The following PCDH7 variants were observed in gnomAD, a reference collection of about 807,000 sequenced individuals.
PCDH7 encodes protocadherin 7, also known as protocadherin-7.
A neutral mutation model predicts 58.9 loss-of-function variants in PCDH7; 17 were observed. The ratio of observed to expected loss-of-function variants is 0.29; its 90% CI spans 0.20 to 0.43. The LOEUF (loss-of-function observed/expected upper bound fraction) is 0.43, where lower values mean the gene tolerates loss of function less well. Among genes scored for constraint, PCDH7 ranks in the 20% least tolerant of loss-of-function variants. The pLI is 1.00. For missense variants in PCDH7, 1,274 were observed against 1,441.0 expected, an observed-to-expected ratio of 0.88 and a Z score of 1.88; for synonymous variants, 664 against 616.4, an observed-to-expected ratio of 1.08 and a Z score of -1.14.
intron 3 of PCDH7, among the ~76,000 whole-genome samples, chr4:30,999,812 G>T (rs906775057): frequency 5.3e-5 from 8 of 152,084 alleles, no homozygotes; most frequent in African/African-American, 1.9e-4. Flanking sequence ...GTTAAAGTAA[G>T]AAGTTAATGA....
At chr4:30,890,474 G>A (rs1407379491) in intron 1 of PCDH7, among the ~76,000 whole-genome samples, 2 of 151,458 alleles carry the variant, frequency 1.3e-5, no homozygotes, top group African/African-American at 2.4e-5. Flanking sequence ...AGATTTCATC[G>A]TTTATTTTTC....
intron 1 of PCDH7, among the ~76,000 whole-genome samples, chr4:30,896,889 CTTTTTTTTTT>C (rs71190474): frequency 0.045 from 1,236 of 27,188 alleles, 6 homozygotes; most frequent in Admixed American, 0.069. Flanking sequence ...TAGTTCTTTG[CTTTTTTTTTT>C]TTTTTTTTTT....
At chr4:31,116,038 A>G (rs1215294286) in intron 3 of PCDH7, among the ~76,000 whole-genome samples, 3 of 152,178 alleles carry the variant, frequency 2.0e-5, no homozygotes, top group Non-Finnish European at 4.4e-5. Flanking sequence ...ATATATTAAA[A>G]TCCCTGTCTA....
intron 1 of PCDH7, among the ~76,000 whole-genome samples, chr4:30,877,201 A>G (rs897999031): frequency 6.6e-6 from 1 of 152,110 alleles, no homozygotes; most frequent in Non-Finnish European, 1.5e-5. Flanking sequence ...AAGAATAACA[A>G]CAAAAAAAGA....
intron 3 of PCDH7, among the ~76,000 whole-genome samples, chr4:31,002,046 A>C (rs1560568295): frequency 6.6e-6 from 1 of 152,198 alleles, no homozygotes; most frequent in Non-Finnish European, 1.5e-5. Flanking sequence ...TATTTAAAGC[A>C]AGCTGCTTTG....
chr4:30,947,830 C>G (rs1045453339), intron 2 of PCDH7, among the ~76,000 whole-genome samples: 1 of 152,084 alleles, frequency 6.6e-6, no homozygotes, highest in Non-Finnish European at 1.5e-5. Context: ...AATTCTGCAT[C>G]CTTTAACAAA....
intron 1 of PCDH7, among the ~76,000 whole-genome samples, chr4:30,748,821 A>G (rs764385881): frequency 3.9e-5 from 6 of 152,178 alleles, no homozygotes; most frequent in Non-Finnish European, 5.9e-5. Context: ...CAGGAACTCA[A>G]CAGAAGATAA....
At chr4:31,047,464 C>T (rs573474036) in intron 3 of PCDH7, among the ~76,000 whole-genome samples, 3 of 152,112 alleles carry the variant, frequency 2.0e-5, no homozygotes, top group East Asian at 1.9e-4. Flanking sequence ...TCATAGGAGC[C>T]GCCATCCCTG....
chr4:31,138,147 T>TTCTG (rs1719839754), intron 3 of PCDH7, among the ~76,000 whole-genome samples: 1 of 151,560 alleles, frequency 6.6e-6, no homozygotes, highest in Admixed American at 6.6e-5. Flanking sequence ...TTTCTAAAGA[T>TTCTG]TCTATTATCT....
intron 3 of PCDH7, among the ~76,000 whole-genome samples, chr4:31,050,004 G>T (rs375139339): frequency 9.9e-5 from 15 of 152,046 alleles, no homozygotes; most frequent in South Asian, 2.1e-4. Context: ...GATTCTGAGT[G>T]GCAAAAATAC....
At chr4:31,011,733 G>A (rs1241083023) in intron 3 of PCDH7, among the ~76,000 whole-genome samples, 1 of 151,786 alleles carries the variant, frequency 6.6e-6, no homozygotes, top group Admixed American at 6.6e-5. Context: ...CACTACCATA[G>A]TTCAAAACTG....
intron 3 of PCDH7, among the ~76,000 whole-genome samples, chr4:31,029,306 A>C (rs1229269792): frequency 1.3e-5 from 2 of 152,190 alleles, no homozygotes; most frequent in Admixed American, 6.6e-5. Flanking sequence ...CTAACCATGA[A>C]CTAAAAATAG....
intron 2 of PCDH7, among the ~76,000 whole-genome samples, chr4:30,928,748 GCT>G (rs2109423684): frequency 6.6e-6 from 1 of 152,208 alleles, no homozygotes; most frequent in East Asian, 1.9e-4. Context: ...ATGTTCTTTG[GCT>G]GCACATCCTC....
chr4:31,104,653 T>G (rs1715321083), intron 3 of PCDH7, among the ~76,000 whole-genome samples: 1 of 152,186 alleles, frequency 6.6e-6, no homozygotes, highest in Non-Finnish European at 1.5e-5. Flanking sequence ...TAATAAGCTT[T>G]CTGTTTAAAA....
intron 3 of PCDH7, among the ~76,000 whole-genome samples, chr4:31,000,058 A>T: frequency 6.6e-6 from 1 of 152,056 alleles, no homozygotes; most frequent in East Asian, 1.9e-4. Context: ...ATATATGCTC[A>T]TTTATGTGGC....
chr4:31,128,275 C>G (rs75624598), intron 3 of PCDH7, among the ~76,000 whole-genome samples: 10,019 of 152,006 alleles, frequency 0.066, 374 homozygotes, highest in South Asian at 0.11. Flanking sequence ...TGGGTCATGG[C>G]GCTCAGTTGA....
chr4:30,722,912 C>T lies in PCDH7; in HGVS notation c.1490C>T (p.Ala497Val), dbSNP rs898058102. ...ACCTCGACCCCTCTGGACTATGAGG[C>T]CACCCGGGAGTTCAACGTGGTCATC... Residue 497 changes from alanine to valine, a missense_variant, in exon 1 of 2, where the codon GCC becomes GTC. By Grantham distance (64) the Ala-to-Val change is moderately conservative (BLOSUM62 0). This residue lies in a region of PCDH7 where 731 missense variants were observed against 881.9 expected (regional missense o/e 0.83). Transcript: ENST00000361762. The surrounding 1 kb of genome is among the most constrained non-coding windows in gnomAD (Gnocchi z 7.6). The T allele has an allele frequency of 3.1e-6, 5 of 1,613,694 alleles. No individual in the cohort carries two copies. In the African/African-American group the frequency reaches 6.7e-5, roughly 22 times the overall value.
intron 1 of PCDH7, among the ~76,000 whole-genome samples, chr4:30,899,846 G>A (rs1739981157): frequency 6.6e-6 from 1 of 152,044 alleles, no homozygotes; most frequent in Non-Finnish European, 1.5e-5. Flanking sequence ...CTGATAAGGG[G>A]TGGACCTGAC....
chr4:30,932,213 G>T (rs1328700617), intron 2 of PCDH7, among the ~76,000 whole-genome samples: 1 of 152,188 alleles, frequency 6.6e-6, no homozygotes, highest in Non-Finnish European at 1.5e-5. Flanking sequence ...AATTCAAATT[G>T]TATAGTAAAA....
Sources: allele counts gnomAD v4.1 joint callset (sites outside exome capture counted in the v4.1 genomes callset), GRCh38; gene constraint gnomAD v4.1.1; regional missense constraint gnomAD v4.1.1; non-coding constraint Gnocchi (gnomAD v3.1); transcripts MANE v1.5; gene names NCBI Gene and HGNC (gene_info 2026-07-23, HGNC 2026-07-21).